INPP5A: variants seen among roughly 807,000 people sequenced by gnomAD.
The protein encoded by INPP5A is 43 kDa inositol polyphosphate 5-phophatase.
Under a neutral mutation model 65.2 loss-of-function variants are expected in INPP5A, and 14 were observed. That is an observed-to-expected ratio of 0.21 (90% CI 0.14 to 0.34). The LOEUF (loss-of-function observed/expected upper bound fraction) is 0.34, where lower values mean the gene tolerates loss of function less well. Ranked by LOEUF, INPP5A falls within the 10% of genes least tolerant of loss-of-function variation. The pLI is 1.00. For missense variants in INPP5A, 431 were observed against 545.6 expected, an observed-to-expected ratio of 0.79 and a Z score of 2.09; for synonymous variants, 207 against 208.3, an observed-to-expected ratio of 0.99 and a Z score of 0.05.
chr10:132,739,226 G>C (rs982133202), intron 9 of INPP5A, among the ~76,000 whole-genome samples: 1 of 152,190 alleles, frequency 6.6e-6, no homozygotes, highest in South Asian at 2.1e-4. Flanking sequence ...TTTACAGAAC[G>C]CCGTTCCTGG....
intron 11 of INPP5A, among the ~76,000 whole-genome samples, chr10:132,759,059 C>G (rs1846683389): frequency 6.6e-6 from 1 of 152,256 alleles, no homozygotes; most frequent in Non-Finnish European, 1.5e-5. Context: ...ACTTTTCTCC[C>G]CGAAGGCGGA....
chr10:132,728,871 G>A (rs1197923314), intron 9 of INPP5A, among the ~76,000 whole-genome samples: 4 of 152,218 alleles, frequency 2.6e-5, no homozygotes, highest in Non-Finnish European at 2.9e-5. Flanking sequence ...CCCGGTGGCC[G>A]GGCCGTGTGA....
At chr10:132,716,722 G>A (rs1428641789) in intron 8 of INPP5A, among the ~76,000 whole-genome samples, 1 of 152,232 alleles carries the variant, frequency 6.6e-6, no homozygotes, top group Non-Finnish European at 1.5e-5. Context: ...CTTCTGTGCC[G>A]CACCAGTTTT....
chr10:132,543,129 A>G lies in INPP5A; in HGVS notation c.75+4958A>G, dbSNP rs538548252. On this transcript the variant is annotated intron_variant, in intron 1 of 15. Transcript: ENST00000368594. The stretch of plus-strand genomic sequence containing the variant: ...CAGCCCTTTCTCCCATATGAGGTGT[A>G]CAATTCACTGGTTTTCAGTATGTTC... Among the ~76,000 whole-genome samples the G allele has an allele frequency of 3.9e-5, 6 of 152,296 alleles. No individual in the cohort carries two copies. The South Asian group carries it at 1.2e-3, about 32-fold the overall frequency.
intron 9 of INPP5A, among the ~76,000 whole-genome samples, chr10:132,728,096 GGCCCCACC>G (rs1846016802): frequency 6.6e-6 from 1 of 152,208 alleles, no homozygotes; most frequent in Admixed American, 6.5e-5. Context: ...CTTGTCACAA[GGCCCCACC>G]GCATGCCTGT....
chr10:132,542,738 G>T (rs116610064), intron 1 of INPP5A, among the ~76,000 whole-genome samples: 2 of 152,240 alleles, frequency 1.3e-5, no homozygotes, highest in African/African-American at 2.4e-5. Flanking sequence ...CTTCAGGGAC[G>T]TTTCACTTGG....
chr10:132,745,448 C>T (rs1012576975), intron 9 of INPP5A, among the ~76,000 whole-genome samples: 5 of 151,498 alleles, frequency 3.3e-5, no homozygotes, highest in African/African-American at 1.2e-4. Flanking sequence ...AGCCTGATTG[C>T]TTTTCCAGTG....
In INPP5A at chr10:132,783,336, C is replaced by T. The variant is rs1847200705; in HGVS notation, c.*1307C>T. ...GCGGAATCTGTTCTTGGTGGAAGCA[C>T]AGGTCCGTGTCGCTGCTGTGGTTGC... is the stretch of plus-strand genomic sequence containing the variant. On this transcript the variant is annotated 3_prime_UTR_variant, in exon 16 of 16. Coordinates refer to ENST00000368594, the MANE Select transcript of INPP5A (RefSeq NM_005539.5). 1 of 152,406 alleles carries T rather than the reference C, an allele frequency of 6.6e-6. No homozygotes were observed. The highest frequency in any genetic ancestry group is 1.5e-5 in the Non-Finnish European group (1 of 68,034). 9.4% of individuals were successfully genotyped at this position (152,406 alleles called of 1,614,324 possible).
At chr10:132,620,301 T>C (rs1004943546) in intron 2 of INPP5A, among the ~76,000 whole-genome samples, 3 of 152,240 alleles carry the variant, frequency 2.0e-5, no homozygotes, top group Non-Finnish European at 4.4e-5. Flanking sequence ...TGATTTTCTT[T>C]CCTGAGAAAG....
rs576242558 is a variant in INPP5A, at chr10:132,555,059, G to A, written c.75+16888G>A. Among the ~76,000 whole-genome samples the A allele has an allele frequency of 2.6e-5, 4 of 151,886 alleles. No homozygotes were observed. In the South Asian group the frequency reaches 6.2e-4, roughly 24 times the overall value. The stretch of plus-strand genomic sequence containing the variant: ...GTGTGGCATGATTGGTATGGGTGGC[G>A]TGGTTGGCATTGATGTGGGTAGCAT... On this transcript the variant is annotated intron_variant, in intron 1 of 15. Transcript: ENST00000368594. This position sits in a 1 kb window ranked among gnomAD's most constrained non-coding sequence, Gnocchi z 4.4.
intron 2 of INPP5A, among the ~76,000 whole-genome samples, chr10:132,610,465 G>C (rs2071929135): frequency 6.6e-6 from 1 of 152,248 alleles, no homozygotes; most frequent in Non-Finnish European, 1.5e-5. Flanking sequence ...ACCATGTGCT[G>C]GACTTCCCAA....
intron 1 of INPP5A, among the ~76,000 whole-genome samples, chr10:132,597,200 C>T (rs2071714432): frequency 6.6e-6 from 1 of 152,262 alleles, no homozygotes; most frequent in Non-Finnish European, 1.5e-5. Context: ...CTTGTGTTTT[C>T]ATGGCCGAGG....
intron 8 of INPP5A, among the ~76,000 whole-genome samples, chr10:132,719,217 A>G (rs61862832): frequency 0.024 from 1,526 of 62,336 alleles, no homozygotes; most frequent in Middle Eastern, 0.054. Flanking sequence ...ACCTTAGACG[A>G]CTGTCTTGGG....
chr10:132,543,893 G>C (rs2070936636), intron 1 of INPP5A, among the ~76,000 whole-genome samples: 2 of 152,270 alleles, frequency 1.3e-5, no homozygotes, highest in Admixed American at 1.3e-4. Context: ...TGTTTGGGCT[G>C]TTCCCGCCTT....
chr10:132,580,436 G>A (rs56163820), intron 1 of INPP5A, among the ~76,000 whole-genome samples: 33,914 of 152,042 alleles, frequency 0.22, 4,607 homozygotes, highest in East Asian at 0.46. Context: ...GTTTTCTGAG[G>A]CCTCCCAGCC....
At chr10:132,748,195 C>A (rs959121545) in intron 9 of INPP5A, among the ~76,000 whole-genome samples, 1 of 152,306 alleles carries the variant, frequency 6.6e-6, no homozygotes, top group East Asian at 1.9e-4. Flanking sequence ...TCCCGGCCCC[C>A]GCAGTCTCCT....
At chr10:132,684,017 A>C (rs376061093) in intron 4 of INPP5A, among the ~76,000 whole-genome samples, 1 of 152,228 alleles carries the variant, frequency 6.6e-6, no homozygotes, top group Non-Finnish European at 1.5e-5. Flanking sequence ...GCCTGGCCAA[A>C]TTACAGTATT....
At chr10:132,653,363 T>C (rs1178456180) in intron 4 of INPP5A, among the ~76,000 whole-genome samples, 2 of 152,032 alleles carry the variant, frequency 1.3e-5, no homozygotes, top group Non-Finnish European at 2.9e-5. Context: ...TCCAGGTGGG[T>C]CCGGAGCGGC....
At chr10:132,558,677 G>A (rs757835784) in intron 1 of INPP5A, among the ~76,000 whole-genome samples, 3 of 152,204 alleles carry the variant, frequency 2.0e-5, no homozygotes, top group Non-Finnish European at 4.4e-5. Flanking sequence ...GTAGGGAGGC[G>A]GTAGCCTTGG....
Sources: allele counts gnomAD v4.1 joint callset (sites outside exome capture counted in the v4.1 genomes callset), GRCh38; gene constraint gnomAD v4.1.1; non-coding constraint Gnocchi (gnomAD v3.1); transcripts MANE v1.5; gene names NCBI Gene and HGNC (gene_info 2026-07-23, HGNC 2026-07-21).